AP1G1: variants seen among roughly 807,000 people sequenced by gnomAD.
AP1G1 encodes AP-1 complex subunit gamma-1.
In AP1G1, 7 loss-of-function variants were observed where a neutral mutation model predicts 108.3. The observed-to-expected ratio is 0.06, with a 90% CI of 0.04 to 0.12. AP1G1 has a LOEUF of 0.12. AP1G1 is among the 10% of genes least tolerant of loss of function. The pLI, the probability that AP1G1 is intolerant of heterozygous loss-of-function variation, is 1.00. For missense variants in AP1G1, 756 were observed against 1,010.7 expected, an observed-to-expected ratio of 0.75 and a Z score of 3.42; for synonymous variants, 379 against 353.5, an observed-to-expected ratio of 1.07 and a Z score of -0.81.
chr16:71,749,096 A>C (rs529913477), intron 15 of AP1G1, among the ~76,000 whole-genome samples: 1 of 151,960 alleles, frequency 6.6e-6, no homozygotes, highest in East Asian at 1.9e-4. Context: ...TTTAGTAGAG[A>C]TAGGGTTTCA....
chr16:71,806,713 C>G (rs2033009592), intron 1 of AP1G1: 5 of 1,288,302 alleles, frequency 3.9e-6, no homozygotes, highest in African/African-American at 1.5e-5. Context: ...CATAGGTGTT[C>G]AGTGTTTGAC....
chr16:71,744,400 C>G (rs1159393408), intron 19 of AP1G1, among the ~76,000 whole-genome samples: 1 of 152,112 alleles, frequency 6.6e-6, no homozygotes, highest in Admixed American at 6.5e-5. Context: ...GCTTTAATTA[C>G]AGAAAGTGTG....
chr16:71,765,459 CA>C, intron 7 of AP1G1, 29 bp downstream of exon 7: 1 of 1,479,276 alleles, frequency 6.8e-7, no homozygotes, highest in Non-Finnish European at 9.4e-7. Context: ...ATTCATATAA[CA>C]TTTATTTAAA....
chr16:71,761,700 T>C, intron 9 of AP1G1, 133 bp from the exon 10 acceptor site: 1 of 651,504 alleles, frequency 1.5e-6, no homozygotes, highest in South Asian at 2.1e-5. Flanking sequence ...CTGGGTGCGG[T>C]GGCTCACGCC....
intron 9 of AP1G1, among the ~76,000 whole-genome samples, chr16:71,762,861 C>A (rs754191631): frequency 6.6e-6 from 1 of 152,158 alleles, no homozygotes; most frequent in Non-Finnish European, 1.5e-5. Flanking sequence ...ACTGGTTAGT[C>A]AGAAGCACAG....
intron 6 of AP1G1, among the ~76,000 whole-genome samples, chr16:71,768,988 A>C (rs1424568043): frequency 6.9e-6 from 1 of 144,378 alleles, no homozygotes; most frequent in African/African-American, 2.5e-5. Flanking sequence ...CAAAAAAAAA[A>C]AAAAAAAAAA....
In AP1G1 at chr16:71,808,808, A is replaced by G. The variant is rs1005264659; in HGVS notation, c.-49T>C. 7.0e-6 allele frequency: 9 copies of G among 1,289,590 alleles called. No individual in the cohort carries two copies. The African/African-American group carries it at 7.6e-5, about 11-fold the overall frequency. The allele number at this position is 1,289,590 out of a possible 1,614,324, so 79.9% of individuals were successfully genotyped here. Reference sequence around the variant, plus strand: ...AACCAGCAGCTCCGGGGGCGGCGGCAGCAGTGGCAGCAGGAACCGAACATC... The same window carrying G: ...AACCAGCAGCTCCGGGGGCGGCGGCGGCAGTGGCAGCAGGAACCGAACATC... On this transcript the variant is annotated 5_prime_UTR_variant, in exon 1 of 23. Transcript: ENST00000299980.
rs544657851 is a variant in AP1G1, at chr16:71,729,923, T to C, written c.*3135A>G. 20 of 152,708 alleles carry C rather than the reference T, an allele frequency of 1.3e-4. No homozygotes were observed. Among genetic ancestry groups the C allele is most frequent in the African/African-American group, 4.8e-4 (20 of 41,564 alleles). The allele number at this position is 152,708 out of a possible 1,614,324, so 9.5% of individuals were successfully genotyped here. A position where few individuals can be genotyped will look rare whatever the true frequency, so the allele number is the denominator to read the frequency against. ...ATGCAGAAGATAATGAAGTTGAACC[T>C]TGAAAGCAGTACTCCCTAACTTCCA... On this transcript the variant is annotated 3_prime_UTR_variant, in exon 23 of 23. Transcript: ENST00000299980.
At chr16:71,764,826 C>A in intron 7 of AP1G1, 100 bp from the exon 8 acceptor site, 2 of 694,324 alleles carry the variant, frequency 2.9e-6, no homozygotes, top group South Asian at 2.0e-5. Context: ...CTTAGAAATT[C>A]ATTTGGAACC....
In AP1G1 at chr16:71,732,810, C is replaced by T. The variant is rs555039498; in HGVS notation, c.*248G>A. The T allele has an allele frequency of 2.6e-5, 10 of 389,010 alleles. No homozygotes were observed. Among genetic ancestry groups the T allele is most frequent in the Non-Finnish European group, 4.2e-5 (9 of 215,704 alleles). 24.1% of individuals were successfully genotyped at this position (389,010 alleles called of 1,614,324 possible). ...TAAATGTGGGAGGGGTGGAGAAGTG[C>T]GGAAAAAGGAGAAGAGGAAGAGTGC... On this transcript the variant is annotated 3_prime_UTR_variant, in exon 23 of 23. Coordinates refer to ENST00000299980, the MANE Select transcript of AP1G1 (RefSeq NM_001128.6).
At chr16:71,780,260 A>T (rs903884269) in intron 2 of AP1G1, among the ~76,000 whole-genome samples, 2 of 152,052 alleles carry the variant, frequency 1.3e-5, no homozygotes, top group Admixed American at 6.6e-5. Context: ...TCGTGCTGGG[A>T]TTACAGGCGT....
chr16:71,739,029 G>A lies in AP1G1; in HGVS notation c.2181C>T (p.Asn727=), dbSNP rs2045585566. The change falls in exon 21 of 23, where the codon AAC becomes AAT. Residue 727 remains asparagine, a synonymous_variant. Transcript: ENST00000299980. ...GTATCGTTATCACTGTTACACTGGG[G>A]TTGGTATTTGACCGTTCAAAGGTGA... The part of the protein sequence containing the change: ...IEFTFERSNT[N]PSVTVITIQA... 6.2e-7 allele frequency: 1 copy of A among 1,614,126 alleles called. No individual in the cohort carries two copies. The highest frequency in any genetic ancestry group is 2.2e-5 in the East Asian group (1 of 44,888).
rs557782693 is a variant in AP1G1 at position 71,792,845 on chromosome 16, C to T, written c.-3-3363G>A. Among the ~76,000 whole-genome samples, 22 of 150,784 alleles carry T rather than the reference C, an allele frequency of 1.5e-4. No individual in the cohort carries two copies. In the South Asian group the frequency reaches 2.3e-3, roughly 16 times the overall value. On this transcript the variant is annotated intron_variant, in intron 1 of 22. Transcript: ENST00000299980. ...CTCCAGCCAGGGTGACGGAGCGAGA[C>T]TCTGTCAAAAAGAAAGAAAAAAAAA...
rs923659315 is a variant in AP1G1, at chr16:71,737,822, A to G, written c.2268+1120T>C. On this transcript the variant is annotated intron_variant, in intron 21 of 22. Transcript: ENST00000299980. ...CTTAGTCTAAACCAGTGGTTGGCAA[A>G]CTATGGCCCACTGGCCAAGAATCGC... is the stretch of plus-strand genomic sequence containing the variant. Among the ~76,000 whole-genome samples, 11 of 152,416 alleles carry G rather than the reference A, an allele frequency of 7.2e-5. No individual in the cohort carries two copies. In the South Asian group the frequency reaches 2.3e-3, roughly 32 times the overall value.
intron 10 of AP1G1, 150 bp from the exon 11 acceptor site, chr16:71,759,071 T>C (rs934737201): frequency 3.3e-6 from 2 of 599,568 alleles, no homozygotes; most frequent in African/African-American, 3.9e-5. Flanking sequence ...AAAAGTAACA[T>C]TTCAAAGGTA....
intron 1 of AP1G1, among the ~76,000 whole-genome samples, chr16:71,792,818 C>T (rs1030874549): frequency 6.6e-6 from 1 of 151,550 alleles, no homozygotes; most frequent in Non-Finnish European, 1.5e-5. Context: ...CGCACCACTG[C>T]ACTCCAGCCA....
Position 71,764,423 on chromosome 16 carries a change from T to C in AP1G1, c.845A>G (p.Lys282Arg). The change falls in exon 9 of 23, where the codon AAA becomes AGA. Residue 282 changes from lysine (K) to arginine (R), a missense_variant. Lys to Arg is a conservative substitution (Grantham distance 26). Around this residue, in one of 3 missense-constraint regions of AP1G1, gnomAD observed 304 missense variants for 483.6 expected, o/e 0.63. Transcript: ENST00000299980. Reference protein sequence around the residue: ...AQVATNTETSKNVGNAILYET... With the variant: ...AQVATNTETSRNVGNAILYET... ...ATAAAGAATAGCATTTCCTACATTT[T>C]TACTAGTCTCAGTATTAGTGGCAAC... 6.2e-7 allele frequency: 1 copy of C among 1,610,134 alleles called. No individual in the cohort carries two copies. The highest frequency in any genetic ancestry group is 8.5e-7 in the Non-Finnish European group (1 of 1,177,838).
chr16:71,761,449 A>G, intron 10 of AP1G1, 63 bp downstream of exon 10: 2 of 1,150,460 alleles, frequency 1.7e-6, no homozygotes, highest in Non-Finnish European at 2.6e-6. Context: ...TCTTGAGCAG[A>G]ATCGCTCTTA....
At chr16:71,788,810 CTCTACCACACCATGCT>C (rs1047976769) in intron 2 of AP1G1, among the ~76,000 whole-genome samples, 1 of 141,822 alleles carries the variant, frequency 7.1e-6, no homozygotes, top group Non-Finnish European at 1.5e-5. Context: ...TAAAGGCATG[CTCTACCACACCATGCT>C]TTTTTTTTTT....
Sources: allele counts gnomAD v4.1 joint callset (sites outside exome capture counted in the v4.1 genomes callset), GRCh38; gene constraint gnomAD v4.1.1; regional missense constraint gnomAD v4.1.1; transcripts MANE v1.5; gene names NCBI Gene and HGNC (gene_info 2026-07-23, HGNC 2026-07-21).